SORBS2: variants seen among roughly 807,000 people sequenced by gnomAD.
SORBS2 encodes sorbin and SH3 domain containing 2, also known as sorbin and SH3 domain-containing protein 2.
Under a neutral mutation model 97.7 loss-of-function variants are expected in SORBS2, and 46 were observed. That is an observed-to-expected ratio of 0.47 (90% confidence interval 0.37 to 0.60). The LOEUF is 0.60. Ranked by LOEUF, SORBS2 falls within the 20% of genes least tolerant of loss-of-function variation. The probability of loss-of-function intolerance (pLI) is 0.00; values close to 1 mark genes in which losing one functional copy is unlikely to be tolerated. For missense variants in SORBS2, 1,316 were observed against 1,282.3 expected, an observed-to-expected ratio of 1.03 and a Z score of -0.40; for synonymous variants, 476 against 473.4, an observed-to-expected ratio of 1.01 and a Z score of -0.07.
chr4:185,643,236 T>C (rs1203000295), intron 4 of SORBS2, among the ~76,000 whole-genome samples: 1 of 152,198 alleles, frequency 6.6e-6, no homozygotes, highest in African/African-American at 2.4e-5. Flanking sequence ...TGGGATAGAA[T>C]TCTCCATGTG....
intron 4 of SORBS2, chr4:185,677,488 T>C (rs765903564): frequency 5.8e-6 from 9 of 1,551,800 alleles, no homozygotes; most frequent in South Asian, 1.2e-5. Flanking sequence ...TTGGAATACA[T>C]AGTTCCCTGA....
intron 12 of SORBS2, among the ~76,000 whole-genome samples, chr4:185,605,772 A>G (rs1424332244): frequency 6.6e-6 from 1 of 151,726 alleles, no homozygotes; most frequent in Non-Finnish European, 1.5e-5. Flanking sequence ...TTTGGTAGTG[A>G]CGGGGTTTCA....
chr4:185,720,403 TCTAA>T (rs1713974725), intron 2 of SORBS2, among the ~76,000 whole-genome samples: 2 of 152,230 alleles, frequency 1.3e-5, no homozygotes, highest in Admixed American at 1.3e-4. Flanking sequence ...CTGTATTCCT[TCTAA>T]CTGTCTTGGG....
chr4:185,668,527 C>CA (rs974383852), intron 4 of SORBS2, among the ~76,000 whole-genome samples: 8 of 152,106 alleles, frequency 5.3e-5, no homozygotes, highest in African/African-American at 1.9e-4. Flanking sequence ...TGGTCACCCA[C>CA]AAAAAAGCTT....
At chr4:185,639,173 AC>A in intron 4 of SORBS2, 138 bp from the exon 14 acceptor site, 1 of 734,196 alleles carries the variant, frequency 1.4e-6, no homozygotes, top group Non-Finnish European at 2.1e-6. Context: ...GTCCCTAGGG[AC>A]CCAGACGCCT....
intron 1 of SORBS2, among the ~76,000 whole-genome samples, chr4:185,877,498 T>C (rs1387676950): frequency 6.6e-6 from 1 of 152,206 alleles, no homozygotes; most frequent in Non-Finnish European, 1.5e-5. Flanking sequence ...CAGCTATTTA[T>C]TTTAAATCAT....
At chr4:185,671,737 T>A (rs990530165) in intron 4 of SORBS2, among the ~76,000 whole-genome samples, 19 of 152,172 alleles carry the variant, frequency 1.2e-4, no homozygotes, top group African/African-American at 4.3e-4. Flanking sequence ...GCTCTGTGGA[T>A]AACCATGCAG....
chr4:185,649,339 T>G, intron 3 of SORBS2, 128 bp downstream of exon 12: 3 of 731,066 alleles, frequency 4.1e-6, no homozygotes, highest in South Asian at 2.4e-5. Flanking sequence ...ATATGGTATA[T>G]GTATAGACTA....
At position 185,782,064 on chromosome 4, in the gene SORBS2, G is replaced by A. The variant is rs187934722; in HGVS notation, c.-337-6698C>T. On this transcript the variant is annotated intron_variant, in intron 1 of 20. Coordinates refer to the SORBS2 transcript ENST00000284776. ...GCATTCTGCCTGGCCCTAAGTAGGG[G>A]CCAATACGTAGTTGCTGAATAAGTA... Among the ~76,000 whole-genome samples the A allele has an allele frequency of 3.0e-4, 46 of 152,340 alleles. 1 individual carries two copies. The East Asian group carries it at 4.0e-3, about 13-fold the overall frequency.
Position 185,684,662 on chromosome 4 carries a change from A to AT in SORBS2, c.-197-5841dup, listed in dbSNP as rs1266789491. 1 of 947,964 alleles carries AT rather than the reference A, an allele frequency of 1.1e-6. No homozygotes were observed. Among genetic ancestry groups the AT allele is most frequent in the Non-Finnish European group, 1.6e-6 (1 of 627,008 alleles). The allele number at this position is 947,964 out of a possible 1,614,324, so 58.7% of individuals were successfully genotyped here. A position where few individuals can be genotyped will look rare whatever the true frequency, so the allele number is the denominator to read the frequency against. ...TTTAAAATGTTTCCTACAAGATCTC[A>AT]TTTTCCTTTGCTTTTTACGTTTAGA... On this transcript the variant is annotated intron_variant, in intron 2 of 20. Coordinates refer to the SORBS2 transcript ENST00000284776. The surrounding 1 kb of genome is among the most constrained non-coding windows in gnomAD (Gnocchi z 4.2).
intron 3 of SORBS2, among the ~76,000 whole-genome samples, chr4:185,647,896 A>G (rs1197637380): frequency 2.6e-5 from 4 of 152,232 alleles, no homozygotes; most frequent in Non-Finnish European, 4.4e-5. Flanking sequence ...AATTTTAACA[A>G]AACATATCAG....
At chr4:185,600,405 C>T (rs2096233514) in intron 12 of SORBS2, among the ~76,000 whole-genome samples, 1 of 152,198 alleles carries the variant, frequency 6.6e-6, no homozygotes, top group Non-Finnish European at 1.5e-5. Context: ...ATGGCACAGT[C>T]TCGGCTCACT....
At chr4:185,789,213 T>A (rs937528916) in intron 1 of SORBS2, among the ~76,000 whole-genome samples, 2 of 152,170 alleles carry the variant, frequency 1.3e-5, no homozygotes, top group Non-Finnish European at 2.9e-5. Context: ...CAGCTTAAGA[T>A]CCAGTGTTAA....
chr4:185,636,073 G>A (rs2153440028), intron 4 of SORBS2, among the ~76,000 whole-genome samples: 1 of 152,180 alleles, frequency 6.6e-6, no homozygotes, highest in African/African-American at 2.4e-5. Flanking sequence ...TGGCCAGGCT[G>A]GTCTCGAACC....
At chr4:185,614,159 G>GTTTTTTTTTTT (rs34929054) in intron 11 of SORBS2, among the ~76,000 whole-genome samples, 151 of 91,596 alleles carry the variant, frequency 1.6e-3, no homozygotes, top group East Asian at 4.4e-3. Flanking sequence ...GTTTTTTTGT[G>GTTTTTTTTTTT]TTTTTTTTTT....
chr4:185,868,757 G>A (rs1463252475), intron 1 of SORBS2, among the ~76,000 whole-genome samples: 7 of 152,114 alleles, frequency 4.6e-5, no homozygotes, highest in Non-Finnish European at 2.9e-5. Flanking sequence ...ATCACCAGGG[G>A]CAAGTCATGC....
At chr4:185,620,144 C>T (rs1336134338) in exon 8 of SORBS2, 46 of 1,605,958 alleles carry the variant, frequency 2.9e-5, no homozygotes, top group Non-Finnish European at 3.9e-5. Flanking sequence ...TTCTAGGGGA[C>T]TCACGGTCTA....
chr4:185,705,738 G>A (rs1045678312), intron 2 of SORBS2, among the ~76,000 whole-genome samples: 3 of 152,258 alleles, frequency 2.0e-5, no homozygotes, highest in African/African-American at 7.2e-5. Context: ...AGACATGATG[G>A]AATGACTCCC....
chr4:185,886,225 G>A (rs563747389), intron 1 of SORBS2, among the ~76,000 whole-genome samples: 2 of 152,172 alleles, frequency 1.3e-5, no homozygotes, highest in South Asian at 2.1e-4. Flanking sequence ...TGAGGTGGGC[G>A]GCAGAAAGGC....
Sources: gnomAD v4.1 joint callset for allele counts (sites outside exome capture counted in the v4.1 genomes callset) on GRCh38, gnomAD v4.1.1 for gene constraint, Gnocchi (gnomAD v3.1) non-coding constraint, MANE v1.5 for transcripts, NCBI Gene and HGNC (gene_info 2026-07-23, HGNC 2026-07-21) for gene names.